GALNT10: variants seen among roughly 807,000 people sequenced by gnomAD.
GALNT10 encodes GalNAc transferase 10.
Under a neutral mutation model 75.0 loss-of-function variants are expected in GALNT10, and 41 were observed. That is an observed-to-expected ratio of 0.55 (90% CI 0.43 to 0.71). The LOEUF (loss-of-function observed/expected upper bound fraction) is 0.71, where lower values mean the gene tolerates loss of function less well. GALNT10 is among the 30% of genes least tolerant of loss of function. The pLI, the probability that GALNT10 is intolerant of heterozygous loss-of-function variation, is 0.00. For synonymous variants in GALNT10, 302 were observed against 313.0 expected (o/e 0.96, Z 0.37); for missense variants, 727 against 818.5 (o/e 0.89, Z 1.36).
intron 3 of GALNT10, among the ~76,000 whole-genome samples, chr5:154,300,519 G>A (rs1266635622): frequency 6.6e-6 from 1 of 152,202 alleles, no homozygotes; most frequent in East Asian, 1.9e-4. Context: ...CGTATAATGA[G>A]GGTTGAGAAT....
intron 4 of GALNT10, among the ~76,000 whole-genome samples, chr5:154,336,081 G>T (rs1209249191): frequency 6.6e-6 from 1 of 152,156 alleles, no homozygotes; most frequent in African/African-American, 2.4e-5. Flanking sequence ...GAATCATACA[G>T]TATATAAAAC....
At chr5:154,286,585 G>A (rs1162165367) in intron 1 of GALNT10, among the ~76,000 whole-genome samples, 4 of 152,080 alleles carry the variant, frequency 2.6e-5, no homozygotes, top group South Asian at 4.2e-4. Flanking sequence ...GCCTTACGTA[G>A]CAAATGACCT....
chr5:154,263,672 T>C (rs1041274098), intron 1 of GALNT10, among the ~76,000 whole-genome samples: 2 of 152,190 alleles, frequency 1.3e-5, no homozygotes, highest in South Asian at 2.1e-4. Flanking sequence ...TTCTAGTTCG[T>C]AGACGGTGCC....
intron 7 of GALNT10, among the ~76,000 whole-genome samples, chr5:154,399,651 CTCTAG>C (rs1454819989): frequency 6.6e-6 from 1 of 152,214 alleles, no homozygotes; most frequent in Non-Finnish European, 1.5e-5. Context: ...TCATCTTTCT[CTCTAG>C]TCAAGTCCCT....
intron 4 of GALNT10, among the ~76,000 whole-genome samples, chr5:154,369,611 G>T (rs1755533941): frequency 6.6e-6 from 1 of 152,138 alleles, no homozygotes; most frequent in Non-Finnish European, 1.5e-5. Flanking sequence ...TCTCCAAATG[G>T]ATTGCCAGTA....
At chr5:154,335,713 A>G (rs1754936732) in intron 4 of GALNT10, among the ~76,000 whole-genome samples, 1 of 152,202 alleles carries the variant, frequency 6.6e-6, no homozygotes, top group Non-Finnish European at 1.5e-5. Flanking sequence ...GTCCATGGCC[A>G]TACTACCCTG....
intron 6 of GALNT10, among the ~76,000 whole-genome samples, chr5:154,382,091 T>A (rs1047344641): frequency 6.6e-6 from 1 of 152,190 alleles, no homozygotes; most frequent in Non-Finnish European, 1.5e-5. Context: ...TATGCCTTAC[T>A]CTCCCCATCT....
chr5:154,328,114 A>T (rs1046979945), intron 3 of GALNT10, among the ~76,000 whole-genome samples: 1 of 151,846 alleles, frequency 6.6e-6, no homozygotes, highest in Non-Finnish European at 1.5e-5. Context: ...AAGCTTATGT[A>T]TAAAAGAGAC....
chr5:154,218,032 G>A lies in GALNT10; in HGVS notation c.159+27007G>A, dbSNP rs1007314985. 55 of 984,964 alleles carry A rather than the reference G, an allele frequency of 5.6e-5. No homozygotes were observed. The South Asian group carries it at 6.6e-4, about 12-fold the overall frequency. 61.0% of individuals were successfully genotyped at this position (984,964 alleles called of 1,614,324 possible). On this transcript the variant is annotated intron_variant, in intron 1 of 11. Transcript: ENST00000297107. Reference sequence around the variant, plus strand: ...TTCCTTCTATTTCTCCTGCCAGCTCGCTTCCCCACCCCAGCCTGGGCACTG... The same window carrying A: ...TTCCTTCTATTTCTCCTGCCAGCTCACTTCCCCACCCCAGCCTGGGCACTG...
chr5:154,310,194 T>A (rs1300768951), intron 3 of GALNT10, among the ~76,000 whole-genome samples: 2 of 152,176 alleles, frequency 1.3e-5, no homozygotes, highest in East Asian at 3.9e-4. Context: ...ATTAGCAGTT[T>A]TTACCCTTTT....
intron 7 of GALNT10, among the ~76,000 whole-genome samples, chr5:154,400,940 C>A (rs1461546562): frequency 1.3e-5 from 2 of 152,192 alleles, no homozygotes; most frequent in African/African-American, 4.8e-5. Flanking sequence ...GCAGCTTCAT[C>A]TGAGCAGATG....
At chr5:154,347,269 A>T in intron 4 of GALNT10, 1 of 464,322 alleles carries the variant, frequency 2.2e-6, no homozygotes. Context: ...CGCATGGCAG[A>T]GTCAGAATCC....
At chr5:154,194,849 G>T (rs1774911008) in intron 1 of GALNT10, among the ~76,000 whole-genome samples, 3 of 152,230 alleles carry the variant, frequency 2.0e-5, no homozygotes, top group Admixed American at 2.0e-4. Context: ...AAACTCATTA[G>T]CAATGTAGGG....
intron 4 of GALNT10, among the ~76,000 whole-genome samples, chr5:154,340,561 A>G (rs1755018920): frequency 6.6e-6 from 1 of 152,138 alleles, no homozygotes; most frequent in Admixed American, 6.5e-5. Flanking sequence ...TTTATTATAA[A>G]TCCTCTAAAT....
At chr5:154,250,845 G>A (rs546721049) in intron 1 of GALNT10, among the ~76,000 whole-genome samples, 2 of 152,186 alleles carry the variant, frequency 1.3e-5, no homozygotes, top group South Asian at 4.2e-4. Flanking sequence ...TATAGCCATT[G>A]CACAGCCAAA....
intron 1 of GALNT10, among the ~76,000 whole-genome samples, chr5:154,276,739 T>C (rs1176387552): frequency 1.3e-5 from 2 of 152,180 alleles, no homozygotes; most frequent in African/African-American, 2.4e-5. Flanking sequence ...AGTTTAAGAC[T>C]TTAAGTGGTA....
At chr5:154,360,319 C>T (rs1186856050) in intron 4 of GALNT10, among the ~76,000 whole-genome samples, 2 of 151,986 alleles carry the variant, frequency 1.3e-5, no homozygotes, top group African/African-American at 4.8e-5. Flanking sequence ...GGCATGGTGG[C>T]ACATGCCTGT....
At position 154,191,006 on chromosome 5, in the gene GALNT10, T is replaced by TGGCGCCGGC. The variant is rs766911733; in HGVS notation, c.145_153dup (p.Pro49_Ala51dup). 213 of 1,472,220 alleles carry TGGCGCCGGC rather than the reference T, an allele frequency of 1.4e-4. 1 individual carries two copies. The highest frequency in any genetic ancestry group is 5.3e-4 in the Middle Eastern group (3 of 5,682). 91.2% of individuals were successfully genotyped at this position (1,472,220 alleles called of 1,614,324 possible). A position where few individuals can be genotyped will look rare whatever the true frequency, so the allele number is the denominator to read the frequency against. On this transcript the variant is annotated inframe_insertion, in exon 1 of 12. Transcript: ENST00000297107. ...ACCCCTGGGGGATCGGGGGCGGCGG[T>TGGCGCCGGC]GGCGCCGGCGGCGGGACAGGTGAGT...
intron 2 of GALNT10, among the ~76,000 whole-genome samples, chr5:154,295,703 C>T (rs921942826): frequency 6.6e-6 from 1 of 152,182 alleles, no homozygotes; most frequent in African/African-American, 2.4e-5. Context: ...CCACTTACAG[C>T]CATCTAATCA....
Sources: allele counts gnomAD v4.1 joint callset (sites outside exome capture counted in the v4.1 genomes callset), GRCh38; gene constraint gnomAD v4.1.1; transcripts MANE v1.5; gene names NCBI Gene and HGNC (gene_info 2026-07-23, HGNC 2026-07-21).